The following GRIA4 variants were observed in gnomAD, a reference collection of about 807,000 sequenced individuals.
The protein encoded by GRIA4 is glutamate ionotropic receptor AMPA type subunit 4, also known as glutamate receptor 4.
A neutral mutation model predicts 104.0 loss-of-function variants in GRIA4; 34 were observed. The observed-to-expected ratio is 0.33, with a 90% confidence interval of 0.25 to 0.44. GRIA4 has a LOEUF of 0.44. GRIA4 is among the 20% of genes least tolerant of loss of function. GRIA4 has a pLI of 1.00. For synonymous variants in GRIA4, 386 were observed against 381.9 expected (o/e 1.01, Z -0.13); for missense variants, 750 against 1,096.5 (o/e 0.68, Z 4.46).
At chr11:105,717,902 G>A (rs1422409338) in intron 3 of GRIA4, among the ~76,000 whole-genome samples, 2 of 123,764 alleles carry the variant, frequency 1.6e-5, no homozygotes, top group African/African-American at 6.4e-5. Context: ...ATACTATGCA[G>A]CCATAAAAAA....
chr11:105,798,896 C>T (rs1372378833), intron 4 of GRIA4, among the ~76,000 whole-genome samples: 1 of 152,094 alleles, frequency 6.6e-6, no homozygotes, highest in Non-Finnish European at 1.5e-5. Context: ...TATCATTAAA[C>T]CTCCTACTGA....
chr11:105,840,211 C>T (rs1944343860), intron 4 of GRIA4, among the ~76,000 whole-genome samples: 1 of 152,142 alleles, frequency 6.6e-6, no homozygotes, highest in Non-Finnish European at 1.5e-5. Context: ...GACTTTTACT[C>T]ATTTTTTTAG....
chr11:105,915,589 A>G (rs1947375388), intron 10 of GRIA4, among the ~76,000 whole-genome samples: 2 of 152,174 alleles, frequency 1.3e-5, no homozygotes, highest in African/African-American at 4.8e-5. Context: ...ATATCTTTGT[A>G]TTTATTTAGT....
chr11:105,971,431 A>T (rs1475769061), intron 14 of GRIA4, among the ~76,000 whole-genome samples: 1 of 152,224 alleles, frequency 6.6e-6, no homozygotes, highest in Non-Finnish European at 1.5e-5. Context: ...AAGTCAATTT[A>T]ATGATGGATA....
chr11:105,720,528 T>C (rs990019783), intron 3 of GRIA4, among the ~76,000 whole-genome samples: 10 of 152,302 alleles, frequency 6.6e-5, no homozygotes, highest in Non-Finnish European at 1.3e-4. Context: ...AAACAAAATA[T>C]GTCCATAGCT....
chr11:105,710,336 C>G (rs1380787833), intron 3 of GRIA4, among the ~76,000 whole-genome samples: 1 of 152,026 alleles, frequency 6.6e-6, no homozygotes, highest in East Asian at 1.9e-4. Context: ...ATGTAGGAAG[C>G]AGTAATGGCC....
chr11:105,916,953 T>C (rs1054384192), intron 10 of GRIA4, among the ~76,000 whole-genome samples: 1 of 152,148 alleles, frequency 6.6e-6, no homozygotes, highest in Non-Finnish European at 1.5e-5. Context: ...AAAAAGGTTA[T>C]TTTAAAAAAA....
At chr11:105,788,545 T>G (rs978582764) in intron 4 of GRIA4, among the ~76,000 whole-genome samples, 1 of 152,126 alleles carries the variant, frequency 6.6e-6, no homozygotes, top group Non-Finnish European at 1.5e-5. Context: ...ATATACAACA[T>G]GGAATACTAT....
At chr11:105,976,759 C>T (rs1859002941) in intron 16 of GRIA4, among the ~76,000 whole-genome samples, 1 of 151,904 alleles carries the variant, frequency 6.6e-6, no homozygotes, top group Admixed American at 6.6e-5. Context: ...GAACATAAGC[C>T]ACAACAATCC....
intron 10 of GRIA4, among the ~76,000 whole-genome samples, chr11:105,910,806 A>G (rs1410278403): frequency 2.6e-5 from 4 of 152,274 alleles, no homozygotes; most frequent in Non-Finnish European, 1.5e-5. Context: ...GTCAAACTCT[A>G]GTTGGAAATG....
At chr11:105,640,233 C>A (rs1288757127) in intron 3 of GRIA4, among the ~76,000 whole-genome samples, 1 of 151,778 alleles carries the variant, frequency 6.6e-6, no homozygotes, top group South Asian at 2.1e-4. Flanking sequence ...AATTTCAAAG[C>A]CCAAAAATGC....
At chr11:105,747,808 G>A (rs954727035) in intron 3 of GRIA4, among the ~76,000 whole-genome samples, 1 of 151,980 alleles carries the variant, frequency 6.6e-6, no homozygotes, top group Non-Finnish European at 1.5e-5. Flanking sequence ...CATGAAAATG[G>A]TTATTATAAG....
At chr11:105,653,662 G>A (rs898767426) in intron 3 of GRIA4, among the ~76,000 whole-genome samples, 2 of 152,154 alleles carry the variant, frequency 1.3e-5, no homozygotes, top group African/African-American at 4.8e-5. Flanking sequence ...ACGTGAGCGA[G>A]TGTTTTTCAG....
chr11:105,651,201 A>G (rs1317781508), intron 3 of GRIA4, among the ~76,000 whole-genome samples: 4 of 152,204 alleles, frequency 2.6e-5, no homozygotes, highest in Admixed American at 2.0e-4. Flanking sequence ...TGAAAATACC[A>G]GTATAAAGTG....
intron 1 of GRIA4, 36 bp from the exon 2 acceptor site, chr11:105,610,865 CTTTTCTT>C (rs1359096428): frequency 5.9e-6 from 3 of 505,918 alleles, no homozygotes; most frequent in East Asian, 6.3e-5. Context: ...TCTTTTCTTT[CTTTTCTT>C]TTTTTTTTTT....
chr11:105,623,959 A>G (rs1255070673), intron 3 of GRIA4, among the ~76,000 whole-genome samples: 1 of 152,074 alleles, frequency 6.6e-6, no homozygotes, highest in African/African-American at 2.4e-5. Flanking sequence ...TGAGAAATAC[A>G]TGGTGAGTTT....
intron 4 of GRIA4, among the ~76,000 whole-genome samples, chr11:105,788,207 T>C (rs1224445436): frequency 1.3e-5 from 2 of 152,136 alleles, no homozygotes; most frequent in Non-Finnish European, 2.9e-5. Context: ...AAAATTAAGA[T>C]AACTAAGACA....
chr11:105,785,158 G>A (rs960224706), intron 4 of GRIA4, among the ~76,000 whole-genome samples: 3 of 152,130 alleles, frequency 2.0e-5, no homozygotes, highest in African/African-American at 7.2e-5. Flanking sequence ...CATACTATAC[G>A]TTATTGGGGC....
chr11:105,700,326 A>T (rs1953440974), intron 3 of GRIA4, among the ~76,000 whole-genome samples: 3 of 152,196 alleles, frequency 2.0e-5, no homozygotes, highest in African/African-American at 7.2e-5. Context: ...CTACCATATC[A>T]TTCTCCTCTT....
Sources: gnomAD v4.1 joint callset for allele counts (sites outside exome capture counted in the v4.1 genomes callset) on GRCh38, gnomAD v4.1.1 for gene constraint, MANE v1.5 for transcripts, NCBI Gene and HGNC (gene_info 2026-07-23, HGNC 2026-07-21) for gene names.